The following TUSC3 variants were observed in gnomAD, a reference collection of about 807,000 sequenced individuals.
The protein encoded by TUSC3 is tumor suppressor candidate 3.
In TUSC3, 45 loss-of-function variants were observed where a neutral mutation model predicts 44.8. The observed-to-expected ratio is 1.00, with a 90% CI of 0.79 to 1.29. TUSC3 has a LOEUF of 1.29. Ranked by LOEUF, TUSC3 falls within the 50% of genes most tolerant of loss-of-function variation. The pLI is 0.00. For missense variants in TUSC3, 519 were observed against 437.9 expected (o/e 1.19, Z -1.65); for synonymous variants, 212 against 152.9 (o/e 1.39, Z -2.85).
At chr8:15,535,494 C>G (rs1361174972), upstream of TUSC3, among the ~76,000 whole-genome samples, 2 of 152,132 alleles carry the variant, frequency 1.3e-5, no homozygotes. Flanking sequence ...TTTCTACCGT[C>G]CTAGAGCTTA....
At chr8:15,833,268 A>G in the TUSC3 span, among the ~76,000 whole-genome samples, 1 of 152,212 alleles carries the variant, frequency 6.6e-6, no homozygotes, top group African/African-American at 2.4e-5. Flanking sequence ...ATGGGAGTGT[A>G]AATTAGTTCA....
chr8:15,711,509 GTA>G lies in TUSC3; in HGVS notation c.799-19145_799-19144del, dbSNP rs202091319. 6.5e-3 allele frequency among the ~76,000 whole-genome samples: 963 copies of G among 147,826 alleles called. 12 individuals are homozygous for G. The highest frequency in any genetic ancestry group is 0.022 in the African/African-American group (902 of 40,452). On this transcript the variant is annotated intron_variant, in intron 6 of 10. Transcript: ENST00000503731. The stretch of plus-strand genomic sequence containing the variant: ...GTGTGTGTGTGTATTTAATATGTGT[GTA>G]TATATATATATTTAATATATGTATA...
At chr8:15,463,879 T>C (rs763601818) in intron 1 of TUSC3, among the ~76,000 whole-genome samples, 4 of 152,168 alleles carry the variant, frequency 2.6e-5, no homozygotes, top group African/African-American at 7.2e-5. Context: ...ATACATATAA[T>C]GTTCTTATTT....
At chr8:15,815,254 G>T in the TUSC3 span, among the ~76,000 whole-genome samples, 3 of 152,040 alleles carry the variant, frequency 2.0e-5, no homozygotes, top group Non-Finnish European at 4.4e-5. Context: ...TAGAGAGATC[G>T]AAGGGAATTC....
chr8:15,824,272 A>G, the TUSC3 span, among the ~76,000 whole-genome samples: 2 of 152,202 alleles, frequency 1.3e-5, no homozygotes, highest in Non-Finnish European at 2.9e-5. Flanking sequence ...TCCCAGTAGG[A>G]TACTTTCAAT....
Position 15,652,206 on chromosome 8 carries a change from C to T in TUSC3, c.426+1392C>T, listed in dbSNP as rs956716014. ...TTTTCGGGTATCTTGGTCTATCTCACATGTGATACTCTTTGGTATAATGCT... is the reference window on the plus strand; with the variant it reads ...TTTTCGGGTATCTTGGTCTATCTCATATGTGATACTCTTTGGTATAATGCT... On this transcript the variant is annotated intron_variant, in intron 3 of 10. Transcript: ENST00000503731. 6.6e-5 allele frequency among the ~76,000 whole-genome samples: 10 copies of T among 152,300 alleles called. No homozygotes were observed. In the South Asian group the frequency reaches 8.3e-4, roughly 13 times the overall value.
chr8:15,835,618 T>G, the TUSC3 span, among the ~76,000 whole-genome samples: 1 of 152,144 alleles, frequency 6.6e-6, no homozygotes, highest in Non-Finnish European at 1.5e-5. Context: ...AACCAGACAA[T>G]GTTGTTTTAA....
intron 1 of TUSC3, among the ~76,000 whole-genome samples, chr8:15,463,453 C>T (rs1048609382): frequency 6.6e-6 from 1 of 152,058 alleles, no homozygotes; most frequent in African/African-American, 2.4e-5. Context: ...TTACCGGTGT[C>T]ATAATTGGAC....
intron 1 of TUSC3, among the ~76,000 whole-genome samples, chr8:15,550,610 T>C (rs1802029497): frequency 6.6e-6 from 1 of 151,654 alleles, no homozygotes; most frequent in Non-Finnish European, 1.5e-5. Context: ...TTTCATACTG[T>C]TTCATTACTA....
chr8:15,586,459 G>C (rs1350918222), intron 1 of TUSC3, among the ~76,000 whole-genome samples: 1 of 152,116 alleles, frequency 6.6e-6, no homozygotes, highest in Non-Finnish European at 1.5e-5. Flanking sequence ...TAAGATAGGA[G>C]AGTGGGATAG....
intron 2 of TUSC3, among the ~76,000 whole-genome samples, chr8:15,531,355 G>C (rs1367877951): frequency 1.3e-5 from 2 of 152,094 alleles, no homozygotes; most frequent in African/African-American, 4.8e-5. Context: ...GGGTTAAAGC[G>C]ATTCTCCTGC....
intron 7 of TUSC3, among the ~76,000 whole-genome samples, chr8:15,734,673 G>A (rs1810860568): frequency 6.6e-6 from 1 of 152,158 alleles, no homozygotes; most frequent in Non-Finnish European, 1.5e-5. Flanking sequence ...GTATGCGAAG[G>A]CAAAGGAAGT....
chr8:15,736,695 G>C (rs1443657866), intron 7 of TUSC3, among the ~76,000 whole-genome samples: 1 of 152,128 alleles, frequency 6.6e-6, no homozygotes, highest in East Asian at 1.9e-4. Context: ...AGATATGTAT[G>C]ATTTTACTGT....
chr8:15,718,971 G>T (rs1354959951), intron 6 of TUSC3, among the ~76,000 whole-genome samples: 3 of 151,756 alleles, frequency 2.0e-5, no homozygotes, highest in African/African-American at 7.3e-5. Flanking sequence ...ATATATTCAG[G>T]ATCAGATCAC....
At chr8:15,828,938 A>T in the TUSC3 span, among the ~76,000 whole-genome samples, 11 of 152,344 alleles carry the variant, frequency 7.2e-5, no homozygotes, top group East Asian at 2.1e-3. Context: ...TCCATTAAAT[A>T]TTTAAATGGC....
At chr8:15,484,208 G>A (rs538663863) in intron 2 of TUSC3, among the ~76,000 whole-genome samples, 1 of 152,206 alleles carries the variant, frequency 6.6e-6, no homozygotes, top group African/African-American at 2.4e-5. Flanking sequence ...ATGCACTTAT[G>A]CAACCATAAA....
chr8:15,458,754 G>A (rs769544969), intron 1 of TUSC3, among the ~76,000 whole-genome samples: 3 of 152,048 alleles, frequency 2.0e-5, no homozygotes, highest in Non-Finnish European at 4.4e-5. Context: ...TGAGTAACTG[G>A]GGACTAAAAA....
intron 9 of TUSC3, among the ~76,000 whole-genome samples, chr8:15,755,436 A>C (rs1811883877): frequency 6.6e-6 from 1 of 152,056 alleles, no homozygotes; most frequent in South Asian, 2.1e-4. Context: ...CTTTACGCTA[A>C]AGATTAAGTA....
intron 1 of TUSC3, among the ~76,000 whole-genome samples, chr8:15,589,557 C>G (rs1803737598): frequency 6.6e-6 from 1 of 151,974 alleles, no homozygotes. Flanking sequence ...TTAAATTTGC[C>G]TTGAGATAGA....
Sources: gnomAD v4.1 joint callset for allele counts (sites outside exome capture counted in the v4.1 genomes callset) on GRCh38, gnomAD v4.1.1 for gene constraint, MANE v1.5 for transcripts, NCBI Gene and HGNC (gene_info 2026-07-23, HGNC 2026-07-21) for gene names.